ADORA2B: variants seen among roughly 807,000 people sequenced by gnomAD.
ADORA2B encodes the protein adenosine A2b receptor.
ADORA2B carries 18 observed loss-of-function variants against 20.8 expected under a neutral mutation model. The ratio of observed to expected loss-of-function variants is 0.87; its 90% CI spans 0.60 to 1.29. ADORA2B has a LOEUF of 1.29. ADORA2B is among the 50% of genes most tolerant of loss of function. The probability of loss-of-function intolerance (pLI) is 0.00; values close to 1 mark genes in which losing one functional copy is unlikely to be tolerated. For missense variants in ADORA2B, 441 were observed against 422.7 expected (o/e 1.04, Z -0.38); for synonymous variants, 179 against 178.3 (o/e 1.00, Z -0.03).
At chr17:15,904,956 C>A in the ADORA2B span, among the ~76,000 whole-genome samples, 6 of 152,096 alleles carry the variant, frequency 3.9e-5, no homozygotes, top group Non-Finnish European at 8.8e-5. Flanking sequence ...ATTAATATAG[C>A]ATTATTAAAA....
the ADORA2B span, among the ~76,000 whole-genome samples, chr17:15,855,722 G>A: frequency 6.6e-6 from 1 of 151,890 alleles, no homozygotes; most frequent in Non-Finnish European, 1.5e-5. Flanking sequence ...CAGATTCAGG[G>A]TACATGTGCA....
At chr17:15,944,676 C>G (rs1236127492), upstream of ADORA2B, among the ~76,000 whole-genome samples, 1 of 152,116 alleles carries the variant, frequency 6.6e-6, no homozygotes, top group African/African-American at 2.4e-5. The surrounding 1 kb of genome is among the most constrained non-coding windows in gnomAD (Gnocchi z 4.8). Flanking sequence ...GGACTGCGGC[C>G]TCGGCTCCCT....
the ADORA2B span, among the ~76,000 whole-genome samples, chr17:15,861,793 G>GT: frequency 3.9e-5 from 6 of 152,266 alleles, no homozygotes; most frequent in East Asian, 9.6e-4. Flanking sequence ...TCTTTCAACT[G>GT]TTTCCTCTCT....
the ADORA2B span, among the ~76,000 whole-genome samples, chr17:15,856,419 C>A: frequency 1.3e-5 from 2 of 152,224 alleles, no homozygotes; most frequent in Admixed American, 1.3e-4. Context: ...TTTATAGCCG[C>A]GTGAAAACTG....
intron 1 of ADORA2B, among the ~76,000 whole-genome samples, chr17:15,951,969 C>G (rs894652106): frequency 1.3e-5 from 2 of 152,226 alleles, no homozygotes; most frequent in African/African-American, 4.8e-5. Flanking sequence ...GCTCTGCATG[C>G]CTGGAGGTGG....
At chr17:15,901,471 GAA>G in the ADORA2B span, among the ~76,000 whole-genome samples, 2 of 124,112 alleles carry the variant, frequency 1.6e-5, no homozygotes, top group African/African-American at 5.9e-5. Flanking sequence ...TCTCAAAAGA[GAA>G]AAAAAAAAAA....
At chr17:15,897,834 T>C in the ADORA2B span, among the ~76,000 whole-genome samples, 1 of 152,210 alleles carries the variant, frequency 6.6e-6, no homozygotes, top group Admixed American at 6.5e-5. Context: ...ATTTCACTAT[T>C]TCGCTATTGT....
At chr17:15,914,800 G>C in the ADORA2B span, among the ~76,000 whole-genome samples, 1 of 152,226 alleles carries the variant, frequency 6.6e-6, no homozygotes, top group Non-Finnish European at 1.5e-5. Flanking sequence ...AGGATTTTTA[G>C]ATGTTCCAGA....
chr17:15,945,915 G>C (rs1597843597), intron 1 of ADORA2B, among the ~76,000 whole-genome samples: 1 of 152,308 alleles, frequency 6.6e-6, no homozygotes, highest in East Asian at 1.9e-4. Context: ...ACCCCCGTGG[G>C]CGGGTGGAGC....
At chr17:15,951,330 C>A (rs1597848229) in intron 1 of ADORA2B, among the ~76,000 whole-genome samples, 1 of 152,206 alleles carries the variant, frequency 6.6e-6, no homozygotes, top group East Asian at 1.9e-4. Flanking sequence ...AGGCTGAGGC[C>A]AGGGGCTGCA....
In ADORA2B at chr17:15,945,445, C is replaced by T. The variant is rs371998220; in HGVS notation, c.197C>T (p.Thr66Ile). ...CTCTTCGCCATCCCCTTTGCCATCA[C>T]CATCAGCCTGGGCTTCTGCACTGAC... ...VGLFAIPFAI[T>I]ISLGFCTDFY... Residue 66 changes from threonine (T) to isoleucine (I), a missense_variant, in exon 1 of 2, where the codon ACC becomes ATC. Physicochemically the swap from Thr to Ile is moderately conservative, Grantham distance 89. Coordinates refer to ENST00000304222, the MANE Select transcript of ADORA2B (RefSeq NM_000676.4). The T allele has an allele frequency of 4.6e-5, 74 of 1,613,630 alleles. No homozygotes were observed. Among genetic ancestry groups the T allele is most frequent in the Non-Finnish European group, 5.6e-5 (66 of 1,179,990 alleles).
chr17:15,909,565 C>T, the ADORA2B span, among the ~76,000 whole-genome samples: 1 of 133,126 alleles, frequency 7.5e-6, no homozygotes, highest in Non-Finnish European at 1.6e-5. Context: ...AAGGAACTCA[C>T]GGTCCTCGTC....
chr17:15,864,978 C>A, the ADORA2B span, among the ~76,000 whole-genome samples: 1 of 150,902 alleles, frequency 6.6e-6, no homozygotes, highest in African/African-American at 2.5e-5. Context: ...GGGGCCTCCA[C>A]CCAAGGAGAC....
chr17:15,942,768 C>T (rs1302459619), upstream of ADORA2B, among the ~76,000 whole-genome samples: 2 of 152,226 alleles, frequency 1.3e-5, no homozygotes, highest in Non-Finnish European at 2.9e-5. Flanking sequence ...GACTGGCATC[C>T]CAGCAGGATG....
At chr17:15,878,163 TTGTG>T in the ADORA2B span, among the ~76,000 whole-genome samples, 31 of 119,690 alleles carry the variant, frequency 2.6e-4, no homozygotes, top group East Asian at 3.1e-3. Flanking sequence ...CAGATATCCT[TTGTG>T]TGTGTGTGTG....
the ADORA2B span, among the ~76,000 whole-genome samples, chr17:15,868,429 T>C: frequency 7.2e-6 from 1 of 139,546 alleles, no homozygotes; most frequent in Non-Finnish European, 1.6e-5. Flanking sequence ...AAGTCTAATT[T>C]ATCAGTCTTT....
the ADORA2B span, among the ~76,000 whole-genome samples, chr17:15,915,053 G>C: frequency 6.6e-6 from 1 of 152,178 alleles, no homozygotes; most frequent in Non-Finnish European, 1.5e-5. Flanking sequence ...CAGTCCTGGG[G>C]TTCAGAAGTG....
At chr17:15,927,233 C>T in the ADORA2B span, among the ~76,000 whole-genome samples, 1 of 152,166 alleles carries the variant, frequency 6.6e-6, no homozygotes, top group Admixed American at 6.5e-5. Flanking sequence ...CCTGTAATCC[C>T]AGCACTTTGG....
chr17:15,963,925 C>T (rs558280330), intron 1 of ADORA2B, among the ~76,000 whole-genome samples: 2 of 152,360 alleles, frequency 1.3e-5, no homozygotes, highest in South Asian at 4.1e-4. Context: ...AGGTCCATCA[C>T]TGGAATTCAG....
Sources: allele counts gnomAD v4.1 joint callset (sites outside exome capture counted in the v4.1 genomes callset), GRCh38; gene constraint gnomAD v4.1.1; non-coding constraint Gnocchi (gnomAD v3.1); transcripts MANE v1.5; gene names NCBI Gene and HGNC (gene_info 2026-07-23, HGNC 2026-07-21).